KRT38: variants seen among roughly 807,000 people sequenced by gnomAD.
KRT38 encodes the protein keratin 38, also known as keratin, type I cuticular Ha8.
KRT38 carries 45 observed loss-of-function variants against 43.1 expected under a neutral mutation model. That is an observed-to-expected ratio of 1.04 (90% CI 0.82 to 1.34). The LOEUF is 1.34. Ranked by LOEUF, KRT38 falls within the 40% of genes most tolerant of loss-of-function variation. The pLI, the probability that KRT38 is intolerant of heterozygous loss-of-function variation, is 0.00. For synonymous variants in KRT38, 258 were observed against 244.0 expected (o/e 1.06, Z -0.53); for missense variants, 627 against 586.2 (o/e 1.07, Z -0.72).
In KRT38 at chr17:41,438,174, T is replaced by A; in HGVS notation, c.1160A>T (p.Tyr387Phe). ...GGTCTTCACGTCCAGCAGCACCTGG[T>A]ACTCCTGGTTTTGCCGCTCCAGGTC... ...RADLERQNQE[Y>F]QVLLDVKTRL... is the part of the protein sequence containing the mutation. The change falls in exon 6 of 7, where the codon TAC becomes TTC. Residue 387 changes from tyrosine (Y) to phenylalanine (F), a missense_variant. By Grantham distance (22) the Tyr-to-Phe change is conservative. Coordinates refer to ENST00000246646, the MANE Select transcript of KRT38 (RefSeq NM_006771.4). 3 of 1,614,226 alleles carry A rather than the reference T, an allele frequency of 1.9e-6. No individual in the cohort carries two copies. The highest frequency in any genetic ancestry group is 2.5e-6 in the Non-Finnish European group (3 of 1,180,040).
Position 41,438,285 on chromosome 17 carries a change from T to A in KRT38, c.1049A>T (p.Glu350Val). The change falls in exon 6 of 7, where the codon GAA becomes GTA. Residue 350 changes from glutamate (E) to valine (V), a missense_variant. By Grantham distance (121) the Glu-to-Val change is moderately radical. Coordinates refer to ENST00000246646, the MANE Select transcript of KRT38 (RefSeq NM_006771.4). ...CTCCGTGCCGAAGCGGTCCTCGGCT[T>A]CACACAGGGAGTTCTGCAGACAGTC... ...LKDCLQNSLCEAEDRFGTELA... is the reference protein window; with the variant it reads ...LKDCLQNSLCVAEDRFGTELA... 1.2e-6 allele frequency: 2 copies of A among 1,614,180 alleles called. No individual in the cohort carries two copies. Among genetic ancestry groups the A allele is most frequent in the Non-Finnish European group, 1.7e-6 (2 of 1,180,022 alleles).
chr17:41,437,282 C>G lies in KRT38; in HGVS notation c.*130G>C, dbSNP rs1248279900. On this transcript the variant is annotated 3_prime_UTR_variant, in exon 7 of 7. Transcript: ENST00000246646. ...GGATTTCCATCAAGATTCCACTGTC[C>G]CTGGTATCTCATAGCCTTTGGACAG... is the stretch of plus-strand genomic sequence containing the variant. 4 of 921,650 alleles carry G rather than the reference C, an allele frequency of 4.3e-6. No individual in the cohort carries two copies. The highest frequency in any genetic ancestry group is 5.9e-6 in the Non-Finnish European group (4 of 678,270). The allele number at this position is 921,650 out of a possible 1,614,324, so 57.1% of individuals were successfully genotyped here.
chr17:41,440,133 C>T (rs771525034), intron 2 of KRT38, 28 bp downstream of exon 2: 19 of 1,581,396 alleles, frequency 1.2e-5, no homozygotes, highest in African/African-American at 4.0e-5. Flanking sequence ...GGGAAGGAGT[C>T]ACCCTGGCCC....
rs781575306 is a variant in KRT38, at chr17:41,440,493, G to A, written c.429C>T (p.His143=). The change falls in exon 1 of 7, where the codon CAC becomes CAT. Residue 143 remains histidine (H), a synonymous_variant. Transcript: ENST00000246646. The part of the protein sequence containing the change: ...EATLLERSKC[H]ESTVCPDYQS... ...GGTAGTCGGGGCACACGGTGGACTCGTGGCACTTGCTCCTCTCGAGGAGTG... is the reference window on the plus strand; with the variant it reads ...GGTAGTCGGGGCACACGGTGGACTCATGGCACTTGCTCCTCTCGAGGAGTG... The A allele has an allele frequency of 1.2e-5, 19 of 1,614,094 alleles. No homozygotes were observed. Among genetic ancestry groups the A allele is most frequent in the East Asian group, 2.2e-5 (1 of 44,898 alleles).
chr17:41,440,538 C>T lies in KRT38; in HGVS notation c.384G>A (p.Glu128=), dbSNP rs759358394. Residue 128 remains glutamate (E), a synonymous_variant, in exon 1 of 7, where the codon GAG becomes GAA. Transcript: ENST00000246646. ...YLEKVRQLEQ[E]NAELEATLLE... ...GGAGTGTGGCCTCCAGCTCCGCATT[C>T]TCCTGCTCCAGCTGGCGCACCTTCT... 2 of 1,614,268 alleles carry T rather than the reference C, an allele frequency of 1.2e-6. No individual in the cohort carries two copies. Among genetic ancestry groups the T allele is most frequent in the Non-Finnish European group, 1.7e-6 (2 of 1,180,050 alleles).
chr17:41,438,702 C>T lies in KRT38; in HGVS notation c.889G>A (p.Ala297Thr). Residue 297 changes from alanine to threonine, a missense_variant, in exon 4 of 7, where the codon GCC becomes ACC. By Grantham distance (58) the Ala-to-Thr change is moderately conservative (BLOSUM62 0). Coordinates refer to ENST00000246646, the MANE Select transcript of KRT38 (RefSeq NM_006771.4). Reference protein sequence around the residue: ...NRQDVEQWFQAQSEGISLQDM... With the variant: ...NRQDVEQWFQTQSEGISLQDM... ...TCTATACCCCCCCCACTCACCTGGG[C>T]TTGGAACCACTGTTCCACATCCTGG... is the stretch of plus-strand genomic sequence containing the variant. 1 of 1,613,662 alleles carries T rather than the reference C, an allele frequency of 6.2e-7. No homozygotes were observed. The highest frequency in any genetic ancestry group is 8.5e-7 in the Non-Finnish European group (1 of 1,179,808).
intron 2 of KRT38, among the ~76,000 whole-genome samples, 174 bp downstream of exon 2, chr17:41,439,987 G>A (rs1488658196): frequency 6.6e-6 from 1 of 152,176 alleles, no homozygotes; most frequent in East Asian, 1.9e-4. Context: ...TATATGCTTG[G>A]ATTAATGAGG....
Position 41,440,866 on chromosome 17 carries a change from C to T in KRT38, c.56G>A (p.Gly19Glu). Residue 19 changes from glycine (G) to glutamate (E), a missense_variant, in exon 1 of 7, where the codon GGA becomes GAA. Coordinates refer to ENST00000246646, the MANE Select transcript of KRT38 (RefSeq NM_006771.4). ...GGGAGAGACAGAGACATTTCTTGCT[C>T]CAGGAGCCATGGTGCAACCCAGAGG... ...SCPLGCTMAP[G>E]ARNVSVSPID... 2 of 1,579,516 alleles carry T rather than the reference C, an allele frequency of 1.3e-6. No individual in the cohort carries two copies. The highest frequency in any genetic ancestry group is 1.7e-6 in the Non-Finnish European group (2 of 1,163,350).
At position 41,438,092 on chromosome 17, in the gene KRT38, C is replaced by G. The variant is rs1273198790; in HGVS notation, c.1241+1G>C. 6.2e-7 allele frequency: 1 copy of G among 1,613,982 alleles called. No homozygotes were observed. The highest frequency in any genetic ancestry group is 1.7e-5 in the Admixed American group (1 of 60,026). ...CCAGGAATTGCCCAGATCACACGTACTTGCAGTCCTCGCTTTCCAGAAGGT... is the reference window on the plus strand; with the variant it reads ...CCAGGAATTGCCCAGATCACACGTAGTTGCAGTCCTCGCTTTCCAGAAGGT... On this transcript the variant is annotated splice_donor_variant, in intron 6 of 6. Coordinates refer to ENST00000246646, the MANE Select transcript of KRT38 (RefSeq NM_006771.4). LOFTEE classifies it high-confidence loss of function.
At position 41,438,310 on chromosome 17, in the gene KRT38, C is replaced by A. The variant is rs755538524; in HGVS notation, c.1024G>T (p.Asp342Tyr). Residue 342 changes from aspartate (D) to tyrosine (Y), a missense_variant, in exon 6 of 7, where the codon GAC (aspartate) becomes TAC (tyrosine). Transcript: ENST00000246646. ...VERQAQHTLK[D>Y]CLQNSLCEAE... Reference sequence around the variant, plus strand: ...TCACACAGGGAGTTCTGCAGACAGTCCTTCTGTAGTGGGAAATAAGGGGAT... The same window carrying A: ...TCACACAGGGAGTTCTGCAGACAGTACTTCTGTAGTGGGAAATAAGGGGAT... The A allele has an allele frequency of 6.2e-7, 1 of 1,613,608 alleles. No homozygotes were observed. The highest frequency in any genetic ancestry group is 1.1e-5 in the South Asian group (1 of 91,060).
In KRT38 at chr17:41,439,365, A is replaced by G; in HGVS notation, c.576-6T>C. ...GGGAGCGCTCACTCTCCAGCCTTTC[A>G]TCACAGGAGGTACAGGGTCAAAAAG... On this transcript the variant is annotated splice_region_variant and splice_polypyrimidine_tract_variant and intron_variant, in intron 2 of 6. Coordinates refer to ENST00000246646, the MANE Select transcript of KRT38 (RefSeq NM_006771.4). The G allele has an allele frequency of 6.2e-7, 1 of 1,613,454 alleles. No individual in the cohort carries two copies. Among genetic ancestry groups the G allele is most frequent in the Non-Finnish European group, 8.5e-7 (1 of 1,179,726 alleles).
chr17:41,437,529 A>G lies in KRT38; in HGVS notation c.1254T>C (p.Asn418=), dbSNP rs938469045. 1.9e-6 allele frequency: 3 copies of G among 1,564,016 alleles called. No individual in the cohort carries two copies. The highest frequency in any genetic ancestry group is 2.6e-6 in the Non-Finnish European group (3 of 1,162,540). The part of the protein sequence containing the change: ...LESEDCKLPC[N]PCSTSPSCVT... ...CGCAGGAGGGAGACGTGGAGCACGG[A>G]TTGCAGGGGAGTCTGCAGAGAGACA... is the stretch of plus-strand genomic sequence containing the variant. The change falls in exon 7 of 7, where the codon AAT becomes AAC. Residue 418 remains asparagine (N), a synonymous_variant. Coordinates refer to ENST00000246646, the MANE Select transcript of KRT38 (RefSeq NM_006771.4).
rs772023252 is a variant in KRT38 at position 41,440,798 on chromosome 17, G to A, written c.124C>T (p.Pro42Ser). 1.7e-5 allele frequency: 27 copies of A among 1,612,322 alleles called. No homozygotes were observed. The Middle Eastern group carries it at 5.0e-4, about 30-fold the overall frequency. Residue 42 changes from proline (P) to serine (S), a missense_variant, in exon 1 of 7, where the codon CCC becomes TCC. Pro to Ser is a moderately conservative substitution (Grantham distance 74). Transcript: ENST00000246646. ...GCCACGTTGGCCAAAAGGCACATGG[G>A]GGCAATGTTGGCCTCTGCCCCAGGC... ...CQPGAEANIA[P>S]MCLLANVAHA...
Position 41,437,492 on chromosome 17 carries a change from A to G in KRT38, c.1291T>C (p.Cys431Arg), listed in dbSNP as rs1246834188. 6.4e-7 allele frequency: 1 copy of G among 1,560,980 alleles called. No homozygotes were observed. Among genetic ancestry groups the G allele is most frequent in the Admixed American group, 2.1e-5 (1 of 48,118 alleles). Residue 431 changes from cysteine to arginine, a missense_variant, in exon 7 of 7, where the codon TGT (cysteine) becomes CGT (arginine). Coordinates refer to ENST00000246646, the MANE Select transcript of KRT38 (RefSeq NM_006771.4). ...STSPSCVTAP[C>R]APRPSCGPCT... ...GGGCCACAGCTTGGGCGAGGAGCAC[A>G]GGGGGCAGTCACGCAGGAGGGAGAC... is the stretch of plus-strand genomic sequence containing the variant.
intron 2 of KRT38, among the ~76,000 whole-genome samples, chr17:41,439,925 C>T (rs1297053469): frequency 6.6e-6 from 1 of 152,202 alleles, no homozygotes; most frequent in Non-Finnish European, 1.5e-5. Flanking sequence ...GGTTAATGAA[C>T]TCAGGCTGCC....
At position 41,438,268 on chromosome 17, in the gene KRT38, C is replaced by T. The variant is rs778554026; in HGVS notation, c.1066G>A (p.Gly356Ser). 16 of 1,614,042 alleles carry T rather than the reference C, an allele frequency of 9.9e-6. No homozygotes were observed. Among genetic ancestry groups the T allele is most frequent in the Admixed American group, 3.3e-5 (2 of 59,998 alleles). Residue 356 changes from glycine to serine, a missense_variant, in exon 6 of 7, where the codon GGC becomes AGC. Transcript: ENST00000246646. ...CTCTGCATCTGGGCCAGCTCCGTGC[C>T]GAAGCGGTCCTCGGCTTCACACAGG... ...NSLCEAEDRFGTELAQMQSLI... is the reference protein window; with the variant it reads ...NSLCEAEDRFSTELAQMQSLI...
intron 6 of KRT38, 100 bp downstream of exon 6, chr17:41,437,993 G>T: frequency 8.6e-7 from 1 of 1,162,962 alleles, no homozygotes; most frequent in Non-Finnish European, 1.3e-6. Context: ...GGAGTGCACA[G>T]AGAGCCTCAT....
At chr17:41,439,654 C>T (rs924328833) in intron 2 of KRT38, among the ~76,000 whole-genome samples, 9 of 152,222 alleles carry the variant, frequency 5.9e-5, no homozygotes, top group Non-Finnish European at 1.0e-4. Context: ...CCCAGTCCAA[C>T]GCTCATGCCA....
chr17:41,438,734 G>T lies in KRT38; in HGVS notation c.857C>A (p.Thr286Asn), dbSNP rs2018760868. Residue 286 changes from threonine (T) to asparagine (N), a missense_variant, in exon 4 of 7, where the codon ACC becomes AAC. Physicochemically the swap from Thr to Asn is moderately conservative, Grantham distance 65. Coordinates refer to ENST00000246646, the MANE Select transcript of KRT38 (RefSeq NM_006771.4). ...CCACTGTTCCACATCCTGGCGGTTGGTCTCCAACATGGCCTCATACTGAGC... is the reference window on the plus strand; with the variant it reads ...CCACTGTTCCACATCCTGGCGGTTGTTCTCCAACATGGCCTCATACTGAGC... ...MRAQYEAMLETNRQDVEQWFQ... is the reference protein window; with the variant it reads ...MRAQYEAMLENNRQDVEQWFQ... The T allele has an allele frequency of 6.2e-7, 1 of 1,613,950 alleles. No homozygotes were observed. The highest frequency in any genetic ancestry group is 1.3e-5 in the African/African-American group (1 of 74,962).
Sources: allele counts gnomAD v4.1 joint callset (sites outside exome capture counted in the v4.1 genomes callset), GRCh38; gene constraint gnomAD v4.1.1; transcripts MANE v1.5; gene names NCBI Gene and HGNC (gene_info 2026-07-23, HGNC 2026-07-21).